PRKCA: variants seen among roughly 807,000 people sequenced by gnomAD.
PRKCA encodes the protein protein kinase C alpha type.
PRKCA carries 27 observed loss-of-function variants against 87.0 expected under a neutral mutation model. The ratio of observed to expected loss-of-function variants is 0.31; its 90% CI spans 0.23 to 0.43. The LOEUF is 0.43. PRKCA is among the 20% of genes least tolerant of loss of function. The probability of loss-of-function intolerance (pLI) is 1.00; values close to 1 mark genes in which losing one functional copy is unlikely to be tolerated. For synonymous variants in PRKCA, 329 were observed against 311.1 expected (o/e 1.06, Z -0.61); for missense variants, 518 against 852.3 (o/e 0.61, Z 4.88).
chr17:66,592,265 G>A (rs1302975021), intron 3 of PRKCA, among the ~76,000 whole-genome samples: 2 of 140,962 alleles, frequency 1.4e-5, no homozygotes, highest in African/African-American at 5.5e-5. Context: ...TGAGGCAGGA[G>A]AATCGCTTGA....
At chr17:66,776,263 A>T (rs1568027246) in intron 14 of PRKCA, among the ~76,000 whole-genome samples, 2 of 152,134 alleles carry the variant, frequency 1.3e-5, no homozygotes, top group Admixed American at 1.3e-4. Context: ...AAAGAATTTG[A>T]CTGTGGGGCA....
At chr17:66,314,933 ATG>A (rs991101457) in intron 2 of PRKCA, among the ~76,000 whole-genome samples, 23 of 144,324 alleles carry the variant, frequency 1.6e-4, no homozygotes, top group Admixed American at 7.1e-4. Context: ...GTGTATATAT[ATG>A]TGTGTGTGTA....
intron 2 of PRKCA, among the ~76,000 whole-genome samples, chr17:66,391,589 A>G (rs1910360222): frequency 6.6e-6 from 1 of 152,200 alleles, no homozygotes; most frequent in Non-Finnish European, 1.5e-5. Flanking sequence ...CAACCACTAG[A>G]TGGTCACTTA....
At chr17:66,497,924 G>GCAAGATAGAGTGCCTGTT (rs1166958750) in intron 3 of PRKCA, among the ~76,000 whole-genome samples, 1 of 152,202 alleles carries the variant, frequency 6.6e-6, no homozygotes, top group African/African-American at 2.4e-5. Flanking sequence ...GCTTGTGGAG[G>GCAAGATAGAGTGCCTGTT]CAAGATAGAG....
chr17:66,529,446 G>A (rs937600834), intron 3 of PRKCA, among the ~76,000 whole-genome samples: 2 of 152,104 alleles, frequency 1.3e-5, no homozygotes, highest in African/African-American at 2.4e-5. Flanking sequence ...AGGAGCTCAT[G>A]CCTCATGAAG....
intron 3 of PRKCA, among the ~76,000 whole-genome samples, chr17:66,566,802 T>A (rs7216485): frequency 0.18 from 28,088 of 151,960 alleles, 3,547 homozygotes; most frequent in African/African-American, 0.36. Flanking sequence ...GCCCCTACTG[T>A]TTGGTGTTTG....
chr17:66,368,386 A>ATTTTTTTTTTTT (rs1180540465), intron 2 of PRKCA, among the ~76,000 whole-genome samples: 3 of 25,468 alleles, frequency 1.2e-4, no homozygotes, highest in African/African-American at 3.6e-4. Flanking sequence ...ATATATATAT[A>ATTTTTTTTTTTT]TTTTTTTTTT....
Position 66,377,014 on chromosome 17 carries a change from G to GATTTATTT in PRKCA, c.205+70908_205+70915dup, listed in dbSNP as rs142218103. Among the ~76,000 whole-genome samples the GATTTATTT allele has an allele frequency of 9.1e-3, 1,378 of 150,810 alleles. 15 individuals are homozygous for GATTTATTT. Among genetic ancestry groups the GATTTATTT allele is most frequent in the East Asian group, 0.044 (218 of 5,010 alleles). On this transcript the variant is annotated intron_variant, in intron 2 of 16. Transcript: ENST00000413366. ...CCCCTGCAAAATCCCAAAGCCTCCG[G>GATTTATTT]ATTTATTTATTTATTTATTTATTTA...
chr17:66,380,458 C>A (rs77021121), intron 2 of PRKCA, among the ~76,000 whole-genome samples: 1,887 of 152,176 alleles, frequency 0.012, 42 homozygotes, highest in African/African-American at 0.043. Flanking sequence ...TTGGAATAAA[C>A]CTGCCACTTA....
At chr17:66,377,714 TATA>T (rs1447366997) in intron 2 of PRKCA, among the ~76,000 whole-genome samples, 23 of 71,608 alleles carry the variant, frequency 3.2e-4, no homozygotes, top group African/African-American at 1.1e-3. Context: ...TATATATATA[TATA>T]TATATTTTTT....
chr17:66,596,571 C>CTTTTTTTTTT (rs10582567), intron 3 of PRKCA, among the ~76,000 whole-genome samples: 15 of 113,844 alleles, frequency 1.3e-4, no homozygotes, highest in Non-Finnish European at 1.9e-4. Context: ...AATATTAAAC[C>CTTTTTTTTTT]TTTTTTTTTT....
At position 66,689,673 on chromosome 17, in the gene PRKCA, TCTC is replaced by T. The variant is rs1169382146; in HGVS notation, c.918+630_918+632del. ...CTCTGCTCCTTACTCCTCTTTTTCT[TCTC>T]CTCTCTCTCCCTTCTCCTCTTCATT... On this transcript the variant is annotated intron_variant, in intron 8 of 16. Transcript: ENST00000413366. This position sits in a 1 kb window ranked among gnomAD's most constrained non-coding sequence, Gnocchi z 4.1. Among the ~76,000 whole-genome samples the T allele has an allele frequency of 6.6e-6, 1 of 152,142 alleles. No individual in the cohort carries two copies. Among genetic ancestry groups the T allele is most frequent in the African/African-American group, 2.4e-5 (1 of 41,434 alleles).
At chr17:66,714,468 C>G (rs905391370) in intron 8 of PRKCA, among the ~76,000 whole-genome samples, 2 of 152,210 alleles carry the variant, frequency 1.3e-5, no homozygotes, top group Non-Finnish European at 2.9e-5. Flanking sequence ...CTGTCCAAGT[C>G]CCCTGAGGGC....
chr17:66,453,263 G>C (rs2143930692), intron 2 of PRKCA, among the ~76,000 whole-genome samples: 1 of 152,228 alleles, frequency 6.6e-6, no homozygotes, highest in Non-Finnish European at 1.5e-5. Flanking sequence ...GAACCCATGT[G>C]CCCTCGTACA....
At chr17:66,591,263 C>T (rs1169931304) in intron 3 of PRKCA, among the ~76,000 whole-genome samples, 1 of 152,104 alleles carries the variant, frequency 6.6e-6, no homozygotes, top group Non-Finnish European at 1.5e-5. Flanking sequence ...AGCAATTGTC[C>T]TTCCTCAGCC....
At chr17:66,317,495 G>A (rs1567768919) in intron 2 of PRKCA, among the ~76,000 whole-genome samples, 1 of 152,230 alleles carries the variant, frequency 6.6e-6, no homozygotes, top group Non-Finnish European at 1.5e-5. Context: ...TGTGTGACTG[G>A]TGAATTGGGA....
chr17:66,592,362 GT>G (rs1162952105), intron 3 of PRKCA, among the ~76,000 whole-genome samples: 6 of 78,038 alleles, frequency 7.7e-5, no homozygotes, highest in African/African-American at 4.2e-4. Context: ...AAAAAAAAAA[GT>G]TACCATTGGC....
chr17:66,459,562 CCTTG>C (rs781667068), intron 2 of PRKCA, among the ~76,000 whole-genome samples: 2 of 152,292 alleles, frequency 1.3e-5, no homozygotes, highest in Non-Finnish European at 2.9e-5. Context: ...TGGTGGAACA[CCTTG>C]CTCTCTAAAA....
At chr17:66,743,342 T>C (rs573852046) in intron 13 of PRKCA, among the ~76,000 whole-genome samples, 7 of 152,240 alleles carry the variant, frequency 4.6e-5, no homozygotes, top group Admixed American at 4.6e-4. Flanking sequence ...AAAGAAATAC[T>C]GTTGAGTGGA....
Sources: allele counts gnomAD v4.1 joint callset (sites outside exome capture counted in the v4.1 genomes callset), GRCh38; gene constraint gnomAD v4.1.1; non-coding constraint Gnocchi (gnomAD v3.1); transcripts MANE v1.5; gene names NCBI Gene and HGNC (gene_info 2026-07-23, HGNC 2026-07-21).